GPHN: variants seen among roughly 807,000 people sequenced by gnomAD.
GPHN encodes gephyrin.
GPHN carries 17 observed loss-of-function variants against 95.5 expected under a neutral mutation model. That is an observed-to-expected ratio of 0.18 (90% confidence interval 0.12 to 0.27). The LOEUF is 0.27. Ranked by LOEUF, GPHN falls within the 10% of genes least tolerant of loss-of-function variation. The pLI, the probability that GPHN is intolerant of heterozygous loss-of-function variation, is 1.00. For synonymous variants in GPHN, 320 were observed against 322.5 expected (o/e 0.99, Z 0.08); for missense variants, 660 against 978.1 (o/e 0.67, Z 4.34).
the GPHN span, chr14:67,303,539 T>C: frequency 6.2e-7 from 1 of 1,613,594 alleles, no homozygotes; most frequent in Non-Finnish European, 8.5e-7. Flanking sequence ...TGCATGGTAC[T>C]TTGACTTTTG....
the GPHN span, among the ~76,000 whole-genome samples, chr14:67,378,314 CTTTTTT>C: frequency 9.3e-5 from 10 of 107,628 alleles, no homozygotes; most frequent in African/African-American, 3.4e-4. Flanking sequence ...TCTCATGTGA[CTTTTTT>C]TTTTTTTTTT....
At chr14:66,827,352 C>G (rs2061423878) in intron 4 of GPHN, among the ~76,000 whole-genome samples, 1 of 151,718 alleles carries the variant, frequency 6.6e-6, no homozygotes, top group Admixed American at 6.6e-5. Flanking sequence ...CTCTGTACTG[C>G]TATCACTCAG....
At chr14:67,048,587 G>C (rs1472498836) in intron 10 of GPHN, among the ~76,000 whole-genome samples, 1 of 152,192 alleles carries the variant, frequency 6.6e-6, no homozygotes. Flanking sequence ...GCTCAGTTCA[G>C]ACAGCTATAG....
intron 11 of GPHN, among the ~76,000 whole-genome samples, chr14:67,067,943 G>C (rs376899305): frequency 6.6e-6 from 1 of 152,134 alleles, no homozygotes; most frequent in East Asian, 1.9e-4. Flanking sequence ...GCTTCGACTC[G>C]CCCTCCATGG....
At chr14:67,384,665 AAG>A in the GPHN span, 1 of 152,232 alleles carries the variant, frequency 6.6e-6, no homozygotes. Flanking sequence ...TGGAAAATAG[AAG>A]AGTGTGTTGG....
chr14:67,384,818 T>TG, the GPHN span: 1 of 152,162 alleles, frequency 6.6e-6, no homozygotes, highest in Non-Finnish European at 1.5e-5. Context: ...CATTCCATAT[T>TG]GGGAATATGT....
chr14:67,609,005 T>C, the GPHN span, among the ~76,000 whole-genome samples: 6 of 152,214 alleles, frequency 3.9e-5, no homozygotes, highest in African/African-American at 1.4e-4. Flanking sequence ...CTACAGAACT[T>C]GTCAACAACT....
chr14:66,573,676 C>T (rs762607582), intron 1 of GPHN, among the ~76,000 whole-genome samples: 6 of 152,072 alleles, frequency 3.9e-5, no homozygotes, highest in South Asian at 2.1e-4. Flanking sequence ...AGGATGGTCT[C>T]GATATCTTGA....
chr14:67,501,357 C>T, the GPHN span, among the ~76,000 whole-genome samples: 3 of 151,872 alleles, frequency 2.0e-5, no homozygotes, highest in Non-Finnish European at 4.4e-5. Context: ...TAAACGATAC[C>T]TTATTATTTT....
At chr14:66,908,641 A>G (rs547147267) in intron 5 of GPHN, among the ~76,000 whole-genome samples, 180 of 152,064 alleles carry the variant, frequency 1.2e-3, no homozygotes, top group Non-Finnish European at 1.6e-3. Context: ...GGGGAAGAGT[A>G]ACTTTGCTAT....
chr14:67,580,932 T>C, the GPHN span: 1 of 1,601,812 alleles, frequency 6.2e-7, no homozygotes, highest in Non-Finnish European at 8.6e-7. Flanking sequence ...CTTTTGCCTT[T>C]TCAAGATCTG....
chr14:67,301,974 A>G, the GPHN span: 2 of 1,582,096 alleles, frequency 1.3e-6, no homozygotes, highest in Non-Finnish European at 1.7e-6. Flanking sequence ...TGAAACAGGC[A>G]CTTTTACTGG....
intron 9 of GPHN, among the ~76,000 whole-genome samples, chr14:67,009,630 A>G (rs2072845372): frequency 6.6e-6 from 1 of 152,166 alleles, no homozygotes; most frequent in African/African-American, 2.4e-5. Context: ...AATGATTCAC[A>G]GGGAATCTAT....
At chr14:66,847,242 T>C (rs1049992834) in intron 4 of GPHN, among the ~76,000 whole-genome samples, 2 of 152,132 alleles carry the variant, frequency 1.3e-5, no homozygotes, top group Non-Finnish European at 2.9e-5. Flanking sequence ...TACGACCAGA[T>C]TTAGCTTGTT....
the GPHN span, among the ~76,000 whole-genome samples, chr14:67,317,110 T>G: frequency 2.5e-4 from 38 of 152,232 alleles, no homozygotes; most frequent in Admixed American, 1.4e-3. Flanking sequence ...TTGAAAATTG[T>G]AAATGCTTTC....
chr14:66,734,193 C>T (rs575060316), intron 2 of GPHN, among the ~76,000 whole-genome samples: 1 of 152,182 alleles, frequency 6.6e-6, no homozygotes, highest in Non-Finnish European at 1.5e-5. Context: ...TTCTTAAAAC[C>T]TTGGTGGCTC....
chr14:67,370,426 G>T, the GPHN span, among the ~76,000 whole-genome samples: 2,937 of 152,250 alleles, frequency 0.019, 38 homozygotes, highest in Middle Eastern at 0.034. Flanking sequence ...TTAAAAACTT[G>T]TTTTTTGTTT....
chr14:67,009,928 T>A (rs538638150), intron 9 of GPHN, among the ~76,000 whole-genome samples: 57 of 151,948 alleles, frequency 3.8e-4, no homozygotes, highest in African/African-American at 1.3e-3. Flanking sequence ...CTGGCTAATT[T>A]TTGTATTTTT....
chr14:67,690,324 C>G, the GPHN span: 1 of 1,614,104 alleles, frequency 6.2e-7, no homozygotes, highest in Admixed American at 1.7e-5. Context: ...GGAAGTGGAT[C>G]CTTCCCAGGT....
Sources: gnomAD v4.1 joint callset for allele counts (sites outside exome capture counted in the v4.1 genomes callset) on GRCh38, gnomAD v4.1.1 for gene constraint, MANE v1.5 for transcripts, NCBI Gene and HGNC (gene_info 2026-07-23, HGNC 2026-07-21) for gene names.